Variants in PASD1 observed in about 807,000 individuals in gnomAD.
PASD1 encodes PAS domain containing repressor 1.
In PASD1, 13 loss-of-function variants were observed where a neutral mutation model predicts 58.8. The observed-to-expected ratio is 0.22, with a 90% confidence interval of 0.14 to 0.35. PASD1 has a LOEUF of 0.35. PASD1 is among the 10% of genes least tolerant of loss of function. The probability of loss-of-function intolerance (pLI) is 1.00; values close to 1 mark genes in which losing one functional copy is unlikely to be tolerated. For missense variants in PASD1, 734 were observed against 568.3 expected (o/e 1.29, Z -2.96); for synonymous variants, 236 against 216.7 (o/e 1.09, Z -0.78).
At chrX:151,572,795 C>T (rs1359501810) in intron 1 of PASD1, among the ~76,000 whole-genome samples, 2 of 107,631 alleles carry the variant, frequency 1.9e-5, no homozygotes, top group African/African-American at 3.4e-5. Context: ...ATGGCTATCT[C>T]CATATTAAGT....
chrX:151,592,119 G>A (rs893707107), intron 1 of PASD1, among the ~76,000 whole-genome samples: 1 of 111,797 alleles, frequency 8.9e-6, no homozygotes, highest in South Asian at 3.7e-4. Context: ...AGTTATTGTA[G>A]GTATTTTGGC....
chrX:151,666,588 A>G (rs1209718744), intron 11 of PASD1, among the ~76,000 whole-genome samples: 1 of 98,084 alleles, frequency 1.0e-5, no homozygotes, highest in Non-Finnish European at 2.0e-5. Flanking sequence ...CCTGTGTCCA[A>G]GTGTTCTCAT....
Position 151,612,681 on chromosome X carries a change from A to C in PASD1, c.207+928A>C, listed in dbSNP as rs772711853. 2.8e-3 allele frequency among the ~76,000 whole-genome samples: 308 copies of C among 110,414 alleles called. 1 individual carries two copies. Among genetic ancestry groups the C allele is most frequent in the African/African-American group, 9.6e-3 (292 of 30,285 alleles). On this transcript the variant is annotated intron_variant, in intron 4 of 15. Coordinates refer to ENST00000370357, the MANE Select transcript of PASD1 (RefSeq NM_173493.3). The stretch of plus-strand genomic sequence containing the variant: ...ATGGGGCTGTTTGTTTTTTTCTTGT[A>C]AATTTGTTTGAGTTCATTGTAGATT...
chrX:151,670,875 T>C (rs1339276735), intron 11 of PASD1, among the ~76,000 whole-genome samples, 163 bp from the exon 12 acceptor site: 1 of 112,403 alleles, frequency 8.9e-6, no homozygotes, highest in Admixed American at 9.4e-5. Flanking sequence ...ATTCCTAAAT[T>C]CTCTAACCAT....
At chrX:151,669,052 T>G (rs1466850790) in intron 11 of PASD1, among the ~76,000 whole-genome samples, 1 of 108,976 alleles carries the variant, frequency 9.2e-6, no homozygotes, top group East Asian at 2.9e-4. Context: ...CAGCCTCTTT[T>G]TTATTACTGT....
chrX:151,600,132 C>T (rs908944018), intron 1 of PASD1, among the ~76,000 whole-genome samples: 7 of 111,786 alleles, frequency 6.3e-5, no homozygotes, highest in Admixed American at 1.9e-4. Flanking sequence ...GGCGTGGCGG[C>T]GTGCGCCTGC....
chrX:151,577,268 T>G (rs1286286394), intron 1 of PASD1, among the ~76,000 whole-genome samples: 1 of 112,472 alleles, frequency 8.9e-6, no homozygotes, highest in Admixed American at 9.4e-5. Flanking sequence ...AAATTATCCT[T>G]GCACAGCCTT....
chrX:151,618,874 C>T (rs2013670276), intron 4 of PASD1, among the ~76,000 whole-genome samples: 1 of 110,886 alleles, frequency 9.0e-6, no homozygotes, highest in East Asian at 2.8e-4. Flanking sequence ...CAGATAAGGT[C>T]AATAGCAGCA....
chrX:151,593,997 G>A (rs762259901), intron 1 of PASD1, among the ~76,000 whole-genome samples: 11 of 111,104 alleles, frequency 9.9e-5, no homozygotes, highest in African/African-American at 2.9e-4. Context: ...ATTTTGAGAC[G>A]GAGTCTCACT....
At chrX:151,643,576 CAAAAAT>C (rs1663315839) in intron 8 of PASD1, among the ~76,000 whole-genome samples, 1 of 110,986 alleles carries the variant, frequency 9.0e-6, no homozygotes, top group African/African-American at 3.3e-5. Flanking sequence ...TATGTACACA[CAAAAAT>C]AAAAATAAAA....
intron 8 of PASD1, among the ~76,000 whole-genome samples, chrX:151,628,766 A>G (rs1302904093): frequency 8.9e-6 from 1 of 111,937 alleles, no homozygotes; most frequent in African/African-American, 3.3e-5. Context: ...CATTGAATCC[A>G]TAAATTACCT....
chrX:151,573,245 C>T (rs1197461077), intron 1 of PASD1, among the ~76,000 whole-genome samples: 1 of 110,512 alleles, frequency 9.0e-6, no homozygotes, highest in African/African-American at 3.3e-5. Flanking sequence ...AGGCCCCACC[C>T]CCAACCTCGG....
intron 1 of PASD1, among the ~76,000 whole-genome samples, chrX:151,565,636 C>A (rs2012828401): frequency 9.6e-6 from 1 of 104,618 alleles, no homozygotes; most frequent in Non-Finnish European, 1.9e-5. Flanking sequence ...CGGCTCACTG[C>A]AAGCTCCACC....
chrX:151,655,985 T>G (rs977534697), intron 9 of PASD1, among the ~76,000 whole-genome samples: 1 of 112,392 alleles, frequency 8.9e-6, no homozygotes, highest in Non-Finnish European at 1.9e-5. Context: ...TTTATGGTTT[T>G]AGGTCTAACG....
At chrX:151,594,226 G>A (rs1420128530) in intron 1 of PASD1, among the ~76,000 whole-genome samples, 2 of 111,356 alleles carry the variant, frequency 1.8e-5, no homozygotes, top group Non-Finnish European at 3.8e-5. Flanking sequence ...ACCCACCTCA[G>A]CCTCCCAAAG....
intron 1 of PASD1, among the ~76,000 whole-genome samples, chrX:151,598,372 T>C (rs1304343657): frequency 1.8e-5 from 2 of 111,287 alleles, no homozygotes; most frequent in Non-Finnish European, 3.8e-5. Context: ...GCTTAGCTGT[T>C]TTTTGTGCTC....
At position 151,601,542 on chromosome X, in the gene PASD1, A is replaced by T; in HGVS notation, c.-12A>T. ...TTGATTTCAGGAGTCTTCCTACGTC[A>T]CTGAATAATGAATGAAGATGAGAGG... On this transcript the variant is annotated 5_prime_UTR_variant, in exon 2 of 16. Transcript: ENST00000370357. 1 of 1,209,923 alleles carries T rather than the reference A, an allele frequency of 8.3e-7. No individual in the cohort carries two copies. Among genetic ancestry groups the T allele is most frequent in the East Asian group, 3.0e-5 (1 of 33,831 alleles).
intron 11 of PASD1, among the ~76,000 whole-genome samples, chrX:151,670,463 C>T (rs2014451662): frequency 8.9e-6 from 1 of 112,066 alleles, no homozygotes; most frequent in Admixed American, 9.5e-5. Context: ...TAAACCTGTA[C>T]ATTTGCTTCT....
chrX:151,663,180 A>C (rs1054362526), intron 10 of PASD1, among the ~76,000 whole-genome samples: 1 of 111,469 alleles, frequency 9.0e-6, no homozygotes, highest in Non-Finnish European at 1.9e-5. Flanking sequence ...ATCACCCCCA[A>C]AATTCCTTTG....
Sources: allele counts gnomAD v4.1 joint callset (sites outside exome capture counted in the v4.1 genomes callset), GRCh38; gene constraint gnomAD v4.1.1; transcripts MANE v1.5; gene names NCBI Gene and HGNC (gene_info 2026-07-23, HGNC 2026-07-21).